Variants in MTMR7 observed in about 807,000 individuals in gnomAD.
The protein encoded by MTMR7 is myotubularin related protein 7.
A neutral mutation model predicts 81.2 loss-of-function variants in MTMR7; 76 were observed. That is an observed-to-expected ratio of 0.94 (90% confidence interval 0.78 to 1.13). The LOEUF (loss-of-function observed/expected upper bound fraction) is 1.13. Ranked by LOEUF, MTMR7 falls within the 50% of genes most tolerant of loss-of-function variation. MTMR7 has a pLI of 0.00. For synonymous variants in MTMR7, 372 were observed against 289.8 expected, an observed-to-expected ratio of 1.28 and a Z score of -2.88; for missense variants, 1,044 against 820.0, an observed-to-expected ratio of 1.27 and a Z score of -3.34.
At chr8:17,367,604 T>G (rs2150562179) in intron 3 of MTMR7, among the ~76,000 whole-genome samples, 1 of 152,354 alleles carries the variant, frequency 6.6e-6, no homozygotes, top group East Asian at 1.9e-4. Context: ...TATCAATCTT[T>G]ATTCACACAA....
intron 1 of MTMR7, among the ~76,000 whole-genome samples, chr8:17,382,945 C>T (rs993457410): frequency 1.3e-4 from 20 of 152,076 alleles, no homozygotes; most frequent in African/African-American, 4.8e-4. Context: ...GGGTGCAGGG[C>T]ATTGGCTGTA....
chr8:17,300,101 A>C lies in MTMR7; in HGVS notation c.1744T>G (p.Tyr582Asp). 2 of 1,614,154 alleles carry C rather than the reference A, an allele frequency of 1.2e-6. No individual in the cohort carries two copies. Among genetic ancestry groups the C allele is most frequent in the Non-Finnish European group, 1.7e-6 (2 of 1,180,018 alleles). Residue 582 changes from tyrosine (Y) to aspartate (D), a missense_variant, in exon 14 of 14, where the codon TAC becomes GAC. Physicochemically the swap from Tyr to Asp is radical, Grantham distance 160. Transcript: ENST00000180173. The stretch of plus-strand genomic sequence containing the variant: ...GGAAATGATTTCATATTCCCACTGT[A>C]ATCCTGGGGAGTGTTGGCTATGCTG... ...DNSIANTPQDYSGNMKSFPSR... is the reference protein window; with the variant it reads ...DNSIANTPQDDSGNMKSFPSR...
chr8:17,304,711 C>T (rs1025130652), intron 11 of MTMR7, among the ~76,000 whole-genome samples, 192 bp from the exon 12 acceptor site: 2 of 141,114 alleles, frequency 1.4e-5, no homozygotes, highest in African/African-American at 5.7e-5. Flanking sequence ...TCAACTTCAC[C>T]ACCATCTGTA....
intron 1 of MTMR7, among the ~76,000 whole-genome samples, chr8:17,392,478 C>G (rs1245342586): frequency 6.6e-6 from 1 of 152,142 alleles, no homozygotes; most frequent in African/African-American, 2.4e-5. Flanking sequence ...CAAATGTAAC[C>G]CTCTTACTTT....
At chr8:17,309,199 C>T in intron 10 of MTMR7, 78 bp downstream of exon 10, 1 of 987,274 alleles carries the variant, frequency 1.0e-6, no homozygotes, top group South Asian at 1.4e-5. Context: ...AGACGATTTT[C>T]CCCTAAATAT....
rs149840986 is a variant in MTMR7 at position 17,374,705 on chromosome 8, C to T, written c.25-1465G>A. Among the ~76,000 whole-genome samples the T allele has an allele frequency of 8.3e-3, 1,258 of 152,174 alleles. 19 individuals are homozygous for T. The highest frequency in any genetic ancestry group is 0.029 in the African/African-American group (1,190 of 41,498). On this transcript the variant is annotated intron_variant, in intron 1 of 13. Coordinates refer to ENST00000180173, the MANE Select transcript of MTMR7 (RefSeq NM_004686.5). ...GCAGGTGCCTGCAATCCCAGCTACT[C>T]GGGAGGCTGAGGCAGGAAAATCACT...
intron 7 of MTMR7, among the ~76,000 whole-genome samples, chr8:17,327,190 C>A (rs1818726497): frequency 6.6e-6 from 1 of 152,180 alleles, no homozygotes; most frequent in African/African-American, 2.4e-5. Context: ...ATTAATCAGT[C>A]TACTACTGTT....
At position 17,332,562 on chromosome 8, in the gene MTMR7, G is replaced by A. The variant is rs145189277; in HGVS notation, c.733-1280C>T. ...TTATATCATGATGAGCCCATTGGAA[G>A]TTGAAAATGCCGTAAGTGAAAAGTG... On this transcript the variant is annotated intron_variant, in intron 6 of 13. Coordinates refer to ENST00000180173, the MANE Select transcript of MTMR7 (RefSeq NM_004686.5). Among the ~76,000 whole-genome samples the A allele has an allele frequency of 7.9e-4, 120 of 152,304 alleles. 1 individual carries two copies. Among genetic ancestry groups the A allele is most frequent in the African/African-American group, 2.8e-3 (117 of 41,566 alleles).
chr8:17,337,362 C>CCAAAAA lies in MTMR7; in HGVS notation c.732+4000_732+4001insTTTTTG, dbSNP rs1554511151. 3.3e-5 allele frequency among the ~76,000 whole-genome samples: 3 copies of CCAAAAA among 89,660 alleles called. 1 individual carries two copies. Among genetic ancestry groups the CCAAAAA allele is most frequent in the African/African-American group, 6.8e-5 (2 of 29,422 alleles). The allele number at this position is 89,660 out of a possible 152,430, so 58.8% of individuals were successfully genotyped here. Reference sequence around the variant, plus strand: ...CCTGGGGGCGAGTAAAACTCCGTCCCAAAAAAAAAAAAAAAAAAAGTGCCT... The same window carrying CCAAAAA: ...CCTGGGGGCGAGTAAAACTCCGTCCCCAAAAAAAAAAAAAAAAAAAAAAAAGTGCCT... On this transcript the variant is annotated intron_variant, in intron 6 of 13. Coordinates refer to ENST00000180173, the MANE Select transcript of MTMR7 (RefSeq NM_004686.5).
intron 1 of MTMR7, among the ~76,000 whole-genome samples, chr8:17,401,564 G>C (rs1821429753): frequency 6.6e-6 from 1 of 152,084 alleles, no homozygotes; most frequent in African/African-American, 2.4e-5. Flanking sequence ...TGGGGGAGCG[G>C]CAAAAATGAA....
chr8:17,403,842 A>C (rs2150585392), intron 1 of MTMR7, among the ~76,000 whole-genome samples: 1 of 152,340 alleles, frequency 6.6e-6, no homozygotes, highest in Non-Finnish European at 1.5e-5. Flanking sequence ...TATTATAAAT[A>C]GGATTGGTCT....
intron 1 of MTMR7, among the ~76,000 whole-genome samples, chr8:17,374,100 A>C (rs1191043264): frequency 6.6e-6 from 1 of 152,248 alleles, no homozygotes; most frequent in Non-Finnish European, 1.5e-5. Flanking sequence ...CCACCTGCAG[A>C]GAAACACTGA....
chr8:17,301,520 T>C (rs531178062), intron 13 of MTMR7: 20 of 152,012 alleles, frequency 1.3e-4, no homozygotes, highest in African/African-American at 4.6e-4. Context: ...AAAGAGAAAA[T>C]CTCAAATGCC....
chr8:17,379,869 T>C (rs928746559), intron 1 of MTMR7, among the ~76,000 whole-genome samples: 1 of 152,114 alleles, frequency 6.6e-6, no homozygotes, highest in Admixed American at 6.5e-5. Flanking sequence ...ACAAATCTAA[T>C]CTAAACTGTC....
chr8:17,400,754 C>T (rs1008114531), intron 1 of MTMR7, among the ~76,000 whole-genome samples: 3 of 148,490 alleles, frequency 2.0e-5, no homozygotes, highest in Non-Finnish European at 4.4e-5. Flanking sequence ...ACTCAAAAGA[C>T]AAGGCTGATA....
chr8:17,402,467 A>T (rs1821455400), intron 1 of MTMR7, among the ~76,000 whole-genome samples: 1 of 152,020 alleles, frequency 6.6e-6, no homozygotes, highest in East Asian at 1.9e-4. Flanking sequence ...CATGTGTTCA[A>T]TTGTTTTAAT....
Position 17,409,179 on chromosome 8 carries a change from C to T in MTMR7, c.24+4090G>A, listed in dbSNP as rs145402325. Among the ~76,000 whole-genome samples, 1,220 of 152,206 alleles carry T rather than the reference C, an allele frequency of 8.0e-3. 27 individuals are homozygous for T. Among genetic ancestry groups the T allele is most frequent in the African/African-American group, 0.028 (1,160 of 41,536 alleles). ...AATTCTTAAAAATAAAGTAATGAGGCTGGGCACAGTGGCTCAAACCTGCAA... is the reference window on the plus strand; with the variant it reads ...AATTCTTAAAAATAAAGTAATGAGGTTGGGCACAGTGGCTCAAACCTGCAA... On this transcript the variant is annotated intron_variant, in intron 1 of 13. Transcript: ENST00000180173.
chr8:17,411,013 G>A (rs777564639), intron 1 of MTMR7, among the ~76,000 whole-genome samples: 7 of 152,112 alleles, frequency 4.6e-5, no homozygotes, highest in Non-Finnish European at 8.8e-5. Context: ...TATAATGGAA[G>A]CAAATAATAA....
At chr8:17,335,109 G>A (rs1030263596) in intron 6 of MTMR7, among the ~76,000 whole-genome samples, 6 of 152,174 alleles carry the variant, frequency 3.9e-5, no homozygotes, top group African/African-American at 1.4e-4. Context: ...AAAAACTGGA[G>A]ACTGATTTAG....
Sources: gnomAD v4.1 joint callset for allele counts (sites outside exome capture counted in the v4.1 genomes callset) on GRCh38, gnomAD v4.1.1 for gene constraint, MANE v1.5 for transcripts, NCBI Gene and HGNC (gene_info 2026-07-23, HGNC 2026-07-21) for gene names.